Variants in NBAS observed in about 807,000 individuals in gnomAD.
NBAS encodes the protein NBAS subunit of NRZ tethering complex, also known as NAG/BC035112 fusion.
Under a neutral mutation model 302.5 loss-of-function variants are expected in NBAS, and 219 were observed. That is an observed-to-expected ratio of 0.72 (90% CI 0.65 to 0.81). The LOEUF is 0.81. NBAS is among the 30% of genes least tolerant of loss of function. The pLI is 0.00. For missense variants in NBAS, 2,932 were observed against 2,841.6 expected (o/e 1.03, Z -0.72); for synonymous variants, 1,118 against 1,021.6 (o/e 1.09, Z -1.80).
At chr2:14,935,918 T>C in the NBAS span, among the ~76,000 whole-genome samples, 1 of 152,164 alleles carries the variant, frequency 6.6e-6, no homozygotes, top group Non-Finnish European at 1.5e-5. Flanking sequence ...CACCCCTAGG[T>C]GCCAAACCAG....
the NBAS span, among the ~76,000 whole-genome samples, chr2:14,790,522 T>A: frequency 6.6e-6 from 1 of 152,228 alleles, no homozygotes; most frequent in African/African-American, 2.4e-5. Flanking sequence ...CAATCAATTT[T>A]CTTCCTTTCC....
the NBAS span, among the ~76,000 whole-genome samples, chr2:14,929,063 T>C: frequency 6.6e-6 from 1 of 152,166 alleles, no homozygotes; most frequent in Non-Finnish European, 1.5e-5. Context: ...TTGACTATAG[T>C]ATTGTTTTCC....
chr2:15,357,238 A>C (rs533707236), intron 32 of NBAS, among the ~76,000 whole-genome samples: 6 of 152,354 alleles, frequency 3.9e-5, no homozygotes, highest in South Asian at 2.1e-4. Context: ...CAATGGAAAC[A>C]GTAAAATCAG....
chr2:14,815,321 T>C, the NBAS span, among the ~76,000 whole-genome samples: 1 of 152,182 alleles, frequency 6.6e-6, no homozygotes, highest in Non-Finnish European at 1.5e-5. Context: ...TGATTCAAAC[T>C]ACCAACTACC....
chr2:15,516,722 C>CAA (rs67488599), intron 9 of NBAS, among the ~76,000 whole-genome samples: 6 of 136,060 alleles, frequency 4.4e-5, no homozygotes, highest in South Asian at 4.9e-4. Context: ...GACTCCATTT[C>CAA]AAAAAAAAAA....
intron 9 of NBAS, among the ~76,000 whole-genome samples, chr2:15,517,602 C>A (rs1228053397): frequency 1.3e-5 from 2 of 152,092 alleles, no homozygotes; most frequent in Non-Finnish European, 2.9e-5. Context: ...TTGTTAAGTG[C>A]ACGTAGTAGG....
the NBAS span, among the ~76,000 whole-genome samples, chr2:14,920,627 T>C: frequency 6.6e-6 from 1 of 152,232 alleles, no homozygotes; most frequent in East Asian, 1.9e-4. Context: ...CTAGATCTTC[T>C]GGATAACTTA....
intron 44 of NBAS, among the ~76,000 whole-genome samples, chr2:15,267,017 C>T (rs1365701280): frequency 1.3e-5 from 2 of 152,118 alleles, no homozygotes; most frequent in Admixed American, 6.6e-5. Flanking sequence ...CCAGCTTTTC[C>T]CACAATGACA....
At chr2:15,160,135 CA>C in the NBAS span, among the ~76,000 whole-genome samples, 4 of 152,040 alleles carry the variant, frequency 2.6e-5, no homozygotes. Flanking sequence ...TTGGGGATGA[CA>C]AGGTTGGAGT....
chr2:14,807,576 T>G, the NBAS span, among the ~76,000 whole-genome samples: 151 of 152,228 alleles, frequency 9.9e-4, 1 homozygote, highest in African/African-American at 3.5e-3. Context: ...GAAACTTCAT[T>G]TCAGGAAGAA....
In NBAS at chr2:15,558,573, T is replaced by C. The variant is rs1397888096; in HGVS notation, c.172+7A>G. On this transcript the variant is annotated splice_region_variant and intron_variant, in intron 2 of 51. Transcript: ENST00000281513. ...ATCATTACTGTAGAGAAATAAGCTA[T>C]ATTTACCTCGAATTGCTTTCGTGAT... 4.3e-6 allele frequency: 7 copies of C among 1,611,302 alleles called. No individual in the cohort carries two copies. Among genetic ancestry groups the C allele is most frequent in the Non-Finnish European group, 3.4e-6 (4 of 1,178,334 alleles).
At chr2:14,814,303 GCA>G in the NBAS span, among the ~76,000 whole-genome samples, 1 of 152,202 alleles carries the variant, frequency 6.6e-6, no homozygotes, top group East Asian at 1.9e-4. Flanking sequence ...CTGACAGTTT[GCA>G]CAGTGTGCCT....
chr2:14,872,172 AATT>A, the NBAS span, among the ~76,000 whole-genome samples: 196 of 152,344 alleles, frequency 1.3e-3, no homozygotes, highest in Non-Finnish European at 2.1e-3. Context: ...GTCATTTGAG[AATT>A]ATTGAGAGAA....
the NBAS span, among the ~76,000 whole-genome samples, chr2:15,102,317 G>A: frequency 2.0e-5 from 3 of 152,166 alleles, no homozygotes; most frequent in Non-Finnish European, 4.4e-5. Context: ...TGGAAAGGTG[G>A]GAGGAGCATC....
At chr2:15,330,103 T>C (rs1160826930) in intron 36 of NBAS, among the ~76,000 whole-genome samples, 1 of 152,150 alleles carries the variant, frequency 6.6e-6, no homozygotes, top group Non-Finnish European at 1.5e-5. Flanking sequence ...GAACTGCTAA[T>C]AGTTGTATGT....
At chr2:15,392,458 AACTGTATTTCT>A in intron 28 of NBAS, among the ~76,000 whole-genome samples, 1 of 152,080 alleles carries the variant, frequency 6.6e-6, no homozygotes, top group Middle Eastern at 3.4e-3. Flanking sequence ...CTGAAGAATC[AACTGTATTTCT>A]ACGCATTAGG....
At chr2:14,829,777 A>G in the NBAS span, among the ~76,000 whole-genome samples, 1 of 152,236 alleles carries the variant, frequency 6.6e-6, no homozygotes, top group Non-Finnish European at 1.5e-5. Context: ...CTGGCCACAC[A>G]AAAACCGAGT....
the NBAS span, among the ~76,000 whole-genome samples, chr2:15,004,101 C>T: frequency 4.6e-5 from 7 of 152,268 alleles, no homozygotes; most frequent in East Asian, 1.9e-4. Flanking sequence ...TGCACAATCT[C>T]GCATTATCTT....
chr2:15,457,406 C>T (rs1446024225), intron 21 of NBAS, among the ~76,000 whole-genome samples: 4 of 152,180 alleles, frequency 2.6e-5, no homozygotes, highest in Middle Eastern at 3.2e-3. Flanking sequence ...GGAAAGTTAA[C>T]GGCCATCCAA....
Sources: allele counts gnomAD v4.1 joint callset (sites outside exome capture counted in the v4.1 genomes callset), GRCh38; gene constraint gnomAD v4.1.1; transcripts MANE v1.5; gene names NCBI Gene and HGNC (gene_info 2026-07-23, HGNC 2026-07-21).